The following TRANK1 variants were observed in gnomAD, a reference collection of about 807,000 sequenced individuals.
The protein encoded by TRANK1 is TPR and ankyrin repeat-containing protein 1.
TRANK1 carries 198 observed loss-of-function variants against 266.0 expected under a neutral mutation model. That is an observed-to-expected ratio of 0.74 (90% CI 0.66 to 0.84). The LOEUF is 0.84. Among genes scored for constraint, TRANK1 ranks in the 40% least tolerant of loss-of-function variants. The pLI, the probability that TRANK1 is intolerant of heterozygous loss-of-function variation, is 0.00. For missense variants in TRANK1, 3,326 were observed against 3,634.6 expected (o/e 0.92, Z 2.18); for synonymous variants, 1,396 against 1,384.1 (o/e 1.01, Z -0.19).
At chr3:36,893,007 G>A (rs999998429) in intron 5 of TRANK1, 23 bp from the exon 6 acceptor site, 90 of 1,434,916 alleles carry the variant, frequency 6.3e-5, no homozygotes, top group Middle Eastern at 3.5e-4. Flanking sequence ...GACAGAAAAG[G>A]CTGGAATAAT....
At chr3:36,892,815 G>A (rs994097065) in intron 6 of TRANK1, 86 bp downstream of exon 6, 14 of 494,466 alleles carry the variant, frequency 2.8e-5, no homozygotes, top group Middle Eastern at 8.1e-4. Flanking sequence ...GCGAAAGGGC[G>A]AGACTCAGTC....
At chr3:36,843,839 T>A (rs1201953354) in intron 17 of TRANK1, among the ~76,000 whole-genome samples, 36 of 152,148 alleles carry the variant, frequency 2.4e-4, no homozygotes, top group Admixed American at 2.4e-3. Flanking sequence ...CTGCTCGCCC[T>A]CTGCTGGTGC....
intron 9 of TRANK1, 89 bp from the exon 10 acceptor site, chr3:36,864,569 C>T: frequency 2.4e-6 from 3 of 1,261,412 alleles, no homozygotes; most frequent in Non-Finnish European, 3.2e-6. Context: ...CAACCCTCCA[C>T]ATACTCACAT....
chr3:36,932,678 C>T (rs971979456), intron 1 of TRANK1, among the ~76,000 whole-genome samples: 8 of 152,118 alleles, frequency 5.3e-5, no homozygotes, highest in Admixed American at 4.6e-4. Flanking sequence ...ACTTAGAGAA[C>T]GAGTTGAAGA....
intron 9 of TRANK1, among the ~76,000 whole-genome samples, chr3:36,865,708 C>T (rs758268975): frequency 1.3e-4 from 20 of 151,952 alleles, no homozygotes; most frequent in Non-Finnish European, 2.5e-4. Flanking sequence ...CCAGTCTCTA[C>T]AAAACATACA....
intron 9 of TRANK1, among the ~76,000 whole-genome samples, chr3:36,867,723 T>C (rs564102523): frequency 1.3e-5 from 2 of 152,384 alleles, no homozygotes; most frequent in African/African-American, 4.8e-5. Context: ...TGTGCTAACA[T>C]GCAATTACAA....
intron 9 of TRANK1, among the ~76,000 whole-genome samples, chr3:36,869,049 T>C (rs940887065): frequency 6.6e-6 from 1 of 152,202 alleles, no homozygotes; most frequent in Non-Finnish European, 1.5e-5. Flanking sequence ...CATGCTGCCA[T>C]CTGGTGGTGG....
chr3:36,896,953 C>T (rs1290427946), intron 4 of TRANK1, among the ~76,000 whole-genome samples: 1 of 151,444 alleles, frequency 6.6e-6, no homozygotes, highest in Non-Finnish European at 1.5e-5. Flanking sequence ...GAGATCGCGC[C>T]ATTGCACTTC....
At chr3:36,839,718 G>C (rs959565642) in intron 18 of TRANK1, among the ~76,000 whole-genome samples, 18 of 152,194 alleles carry the variant, frequency 1.2e-4, no homozygotes, top group Non-Finnish European at 2.4e-4. Context: ...TCTCTCATCT[G>C]TGACACCTGC....
chr3:36,913,610 TG>T (rs2080084716), intron 1 of TRANK1, among the ~76,000 whole-genome samples: 1 of 152,136 alleles, frequency 6.6e-6, no homozygotes, highest in Non-Finnish European at 1.5e-5. Context: ...GAATATATCC[TG>T]GGGACTTCAA....
intron 1 of TRANK1, among the ~76,000 whole-genome samples, chr3:36,920,731 A>G (rs539109287): frequency 6.6e-6 from 1 of 152,294 alleles, no homozygotes; most frequent in East Asian, 1.9e-4. Context: ...AGTGACAGAA[A>G]AGGACAGGGC....
Position 36,857,596 on chromosome 3 carries a change from G to A in TRANK1, c.2126C>T (p.Thr709Ile). The A allele has an allele frequency of 1.2e-6, 2 of 1,614,052 alleles. No individual in the cohort carries two copies. Among genetic ancestry groups the A allele is most frequent in the South Asian group, 2.2e-5 (2 of 91,084 alleles). Residue 709 changes from threonine to isoleucine, a missense_variant, in exon 13 of 24, where the codon ACT becomes ATT. Physicochemically the swap from Thr to Ile is moderately conservative, Grantham distance 89 (BLOSUM62 -1). Transcript: ENST00000645898. The surrounding 1 kb of genome is among the most constrained non-coding windows in gnomAD (Gnocchi z 4.3). Reference protein sequence around the residue: ...EGSAVPDSWETLPGTQVTRKE... With the variant: ...EGSAVPDSWEILPGTQVTRKE... ...CCTGGTCACCTGGGTACCTGGGAGA[G>A]TCTCCCAGCTGTCAGGGACTGCACT...
intron 15 of TRANK1, chr3:36,851,255 C>T: frequency 1.0e-6 from 1 of 986,592 alleles, no homozygotes; most frequent in Non-Finnish European, 1.2e-6. Flanking sequence ...TTGTCCCCCA[C>T]ATTACCTGAT....
intron 18 of TRANK1, among the ~76,000 whole-genome samples, chr3:36,841,677 G>C (rs768455175): frequency 1.2e-4 from 19 of 152,156 alleles, no homozygotes; most frequent in Non-Finnish European, 2.2e-4. Context: ...AAAATAGAGA[G>C]ATCAATGAGA....
At chr3:36,866,851 C>T (rs2079234902) in intron 9 of TRANK1, among the ~76,000 whole-genome samples, 1 of 152,174 alleles carries the variant, frequency 6.6e-6, no homozygotes, top group Non-Finnish European at 1.5e-5. Flanking sequence ...TCTCCAACAT[C>T]TGCCACCCCT....
At chr3:36,834,637 A>G (rs2125508881) in intron 21 of TRANK1, 125 bp downstream of exon 21, 1 of 1,118,606 alleles carries the variant, frequency 8.9e-7, no homozygotes, top group African/African-American at 1.6e-5. Flanking sequence ...CCATCGCTTA[A>G]GTGGAAAGGG....
chr3:36,892,848 A>AT (rs1260326098), intron 6 of TRANK1, 53 bp downstream of exon 6: 1 of 730,224 alleles, frequency 1.4e-6, no homozygotes, highest in African/African-American at 2.5e-5. Flanking sequence ...AAAACAAAAC[A>AT]AAACATATAT....
chr3:36,838,224 T>G, intron 20 of TRANK1, 148 bp downstream of exon 20: 1 of 1,236,632 alleles, frequency 8.1e-7, no homozygotes, highest in Non-Finnish European at 1.1e-6. Flanking sequence ...GTAGTGAAAG[T>G]AGGCTTCCCT....
Position 36,944,851 on chromosome 3 carries a change from G to A in TRANK1, c.-42C>T, listed in dbSNP as rs1395000245. 6.9e-7 allele frequency: 1 copy of A among 1,440,800 alleles called. No individual in the cohort carries two copies. Among genetic ancestry groups the A allele is most frequent in the African/African-American group, 1.5e-5 (1 of 67,198 alleles). 89.3% of individuals were successfully genotyped at this position (1,440,800 alleles called of 1,614,324 possible). ...TCCGCACCAGGACCGCCGCCGCCTGGGGAAGCGCTTCCCTGTGGGCAGGGC... is the reference window on the plus strand; with the variant it reads ...TCCGCACCAGGACCGCCGCCGCCTGAGGAAGCGCTTCCCTGTGGGCAGGGC... On this transcript the variant is annotated 5_prime_UTR_variant, in exon 1 of 24. Transcript: ENST00000645898.
Sources: allele counts gnomAD v4.1 joint callset (sites outside exome capture counted in the v4.1 genomes callset), GRCh38; gene constraint gnomAD v4.1.1; non-coding constraint Gnocchi (gnomAD v3.1); transcripts MANE v1.5; gene names NCBI Gene and HGNC (gene_info 2026-07-23, HGNC 2026-07-21).